Variants in ATG16L1 observed in about 807,000 individuals in gnomAD.
The protein encoded by ATG16L1 is autophagy-related protein 16-1.
In ATG16L1, 37 loss-of-function variants were observed where a neutral mutation model predicts 88.5. The observed-to-expected ratio is 0.42, with a 90% CI of 0.32 to 0.55. The LOEUF (loss-of-function observed/expected upper bound fraction) is 0.55. Ranked by LOEUF, ATG16L1 falls within the 20% of genes least tolerant of loss-of-function variation. The pLI is 0.13. For synonymous variants in ATG16L1, 301 were observed against 281.0 expected (o/e 1.07, Z -0.71); for missense variants, 554 against 752.8 (o/e 0.74, Z 3.09).
chr2:233,290,070 T>C, intron 13 of ATG16L1, 96 bp downstream of exon 13: 1 of 1,574,932 alleles, frequency 6.3e-7, no homozygotes, highest in African/African-American at 1.3e-5. Context: ...GTAATATAGT[T>C]TGAATTTCAG....
In ATG16L1 at chr2:233,263,171, A is replaced by G. The variant is rs149410702; in HGVS notation, c.251A>G (p.Glu84Gly). The G allele has an allele frequency of 6.2e-7, 1 of 1,614,158 alleles. No individual in the cohort carries two copies. The highest frequency in any genetic ancestry group is 1.3e-5 in the African/African-American group (1 of 75,036). Reference sequence around the variant, plus strand: ...ACATGGAATGACAATCAGCTACAAGAAATGGCCCAACTGAGGATTAAGCAC... The same window carrying G: ...ACATGGAATGACAATCAGCTACAAGGAATGGCCCAACTGAGGATTAAGCAC... ...DGTWNDNQLQ[E>G]MAQLRIKHQE... Residue 84 changes from glutamate to glycine, a missense_variant, in exon 3 of 18, where the codon GAA becomes GGA. Physicochemically the swap from Glu to Gly is moderately conservative, Grantham distance 98 (BLOSUM62 -2). Around this residue, in one of 5 missense-constraint regions of ATG16L1, gnomAD observed 101 missense variants for 107.0 expected, o/e 0.94. Coordinates refer to ENST00000392017, the MANE Select transcript of ATG16L1 (RefSeq NM_030803.7).
intron 9 of ATG16L1, 87 bp from the exon 10 acceptor site, chr2:233,277,481 C>T: frequency 8.1e-7 from 1 of 1,227,612 alleles, no homozygotes; most frequent in South Asian, 1.2e-5. Context: ...GAGTGTTTCC[C>T]CATGAATTAG....
chr2:233,282,997 A>G (rs1698818722), intron 12 of ATG16L1: 1 of 449,262 alleles, frequency 2.2e-6, no homozygotes, highest in Non-Finnish European at 4.1e-6. Flanking sequence ...AATACTCTTC[A>G]TAAGGACTAA....
At chr2:233,259,221 G>A (rs1221437396) in intron 2 of ATG16L1, among the ~76,000 whole-genome samples, 1 of 152,182 alleles carries the variant, frequency 6.6e-6, no homozygotes, top group Non-Finnish European at 1.5e-5. Context: ...GAGGTGATTG[G>A]TGGGTAGGAA....
intron 13 of ATG16L1, 23 bp from the exon 14 acceptor site, chr2:233,290,225 A>G (rs555389627): frequency 6.2e-7 from 1 of 1,610,610 alleles, no homozygotes; most frequent in African/African-American, 1.3e-5. Flanking sequence ...CTGCTTGATT[A>G]ATGATGTTTG....
chr2:233,269,999 C>G lies in ATG16L1; in HGVS notation c.642-3C>G. ...TGGGCTTTTTTTTTTTTTTTCCCAA[C>G]AGGAGGCGGCAAGCCCGGCTGCAGA... On this transcript the variant is annotated splice_region_variant and splice_polypyrimidine_tract_variant and intron_variant, in intron 5 of 17. Coordinates refer to ENST00000392017, the MANE Select transcript of ATG16L1 (RefSeq NM_030803.7). The G allele has an allele frequency of 6.4e-7, 1 of 1,550,462 alleles. No individual in the cohort carries two copies. The highest frequency in any genetic ancestry group is 8.7e-7 in the Non-Finnish European group (1 of 1,154,530).
chr2:233,263,299 G>T, intron 3 of ATG16L1, 64 bp downstream of exon 3: 1 of 1,454,754 alleles, frequency 6.9e-7, no homozygotes, highest in Non-Finnish European at 9.5e-7. Flanking sequence ...GGGAGCGGGG[G>T]AGCTCAGTCA....
At chr2:233,273,178 C>G (rs1463953889) in intron 7 of ATG16L1, 126 bp downstream of exon 7, 10 of 714,250 alleles carry the variant, frequency 1.4e-5, no homozygotes, top group Middle Eastern at 3.8e-4. Context: ...GGACACCCAG[C>G]GTCGAACACA....
At chr2:233,270,213 G>T (rs1574864248) in intron 6 of ATG16L1, 146 bp downstream of exon 6, 1 of 514,292 alleles carries the variant, frequency 1.9e-6, no homozygotes, top group Non-Finnish European at 3.3e-6. Context: ...TGTGATCATA[G>T]CTTCTAATGT....
At chr2:233,254,903 G>A (rs1696665615) in intron 1 of ATG16L1, among the ~76,000 whole-genome samples, 1 of 152,060 alleles carries the variant, frequency 6.6e-6, no homozygotes, top group Admixed American at 6.5e-5. Flanking sequence ...TGCAGAACAG[G>A]TACCCACATC....
intron 2 of ATG16L1, among the ~76,000 whole-genome samples, chr2:233,258,887 T>G (rs1696999416): frequency 6.6e-6 from 1 of 152,100 alleles, no homozygotes; most frequent in Non-Finnish European, 1.5e-5. Flanking sequence ...TTTGTAGAGA[T>G]AGGGGTCTCA....
intron 5 of ATG16L1, among the ~76,000 whole-genome samples, chr2:233,268,312 A>T (rs1697746980): frequency 6.6e-6 from 1 of 152,210 alleles, no homozygotes; most frequent in Non-Finnish European, 1.5e-5. Context: ...CACAAAAATT[A>T]GCTGGATGTA....
intron 2 of ATG16L1, among the ~76,000 whole-genome samples, chr2:233,259,629 C>G (rs185281427): frequency 1.1e-4 from 17 of 152,280 alleles, no homozygotes; most frequent in Non-Finnish European, 1.5e-4. Flanking sequence ...TCAGGTTACC[C>G]CTTGTTCAGT....
In ATG16L1 at chr2:233,251,713, G is replaced by A; in HGVS notation, c.-115G>A. The stretch of plus-strand genomic sequence containing the variant: ...GCCTCGGGGACTGCCAGTGTGTGGA[G>A]GTGAGCTCCGGGATTGCCGGCATTC... On this transcript the variant is annotated 5_prime_UTR_variant, in exon 1 of 18. Transcript: ENST00000392017. The A allele has an allele frequency of 2.2e-6, 2 of 911,852 alleles. No homozygotes were observed. Among genetic ancestry groups the A allele is most frequent in the Non-Finnish European group, 3.4e-6 (2 of 580,726 alleles). The allele number at this position is 911,852 out of a possible 1,614,324, so 56.5% of individuals were successfully genotyped here.
chr2:233,266,981 G>A (rs1425322326), intron 5 of ATG16L1, among the ~76,000 whole-genome samples: 1 of 152,204 alleles, frequency 6.6e-6, no homozygotes, highest in East Asian at 1.9e-4. Context: ...GGGAAGAGTA[G>A]TGGGGAAGGA....
chr2:233,255,707 G>C (rs577416409), intron 1 of ATG16L1, among the ~76,000 whole-genome samples: 5 of 152,160 alleles, frequency 3.3e-5, no homozygotes, highest in African/African-American at 1.2e-4. Flanking sequence ...TGTATTCTCT[G>C]TACCTTTTTA....
intron 12 of ATG16L1, among the ~76,000 whole-genome samples, chr2:233,287,009 C>G (rs1302057496): frequency 6.6e-6 from 1 of 152,090 alleles, no homozygotes; most frequent in Non-Finnish European, 1.5e-5. Flanking sequence ...TCCATTAGTT[C>G]AGCAGTTTCA....
At chr2:233,263,287 T>C in intron 3 of ATG16L1, 52 bp downstream of exon 3, 1 of 1,538,972 alleles carries the variant, frequency 6.5e-7, no homozygotes, top group Non-Finnish European at 8.9e-7. Context: ...GAGAGTCCTG[T>C]GGGGAGCGGG....
Position 233,290,840 on chromosome 2 carries a change from A to AG in ATG16L1, c.1430+492dup, listed in dbSNP as rs754575933. Among the ~76,000 whole-genome samples, 87 of 152,302 alleles carry AG rather than the reference A, an allele frequency of 5.7e-4. 1 individual carries two copies. Among genetic ancestry groups the AG allele is most frequent in the Non-Finnish European group, 2.9e-4 (20 of 68,014 alleles). On this transcript the variant is annotated intron_variant, in intron 14 of 17. Coordinates refer to ENST00000392017, the MANE Select transcript of ATG16L1 (RefSeq NM_030803.7). Reference sequence around the variant, plus strand: ...GCAGGAAACAGGGCAGAAGCCAGTGAGGGGGCTATGAGGGGTTGAAATCAG... The same window carrying AG: ...GCAGGAAACAGGGCAGAAGCCAGTGAGGGGGGCTATGAGGGGTTGAAATCAG...
Sources: allele counts gnomAD v4.1 joint callset (sites outside exome capture counted in the v4.1 genomes callset), GRCh38; gene constraint gnomAD v4.1.1; regional missense constraint gnomAD v4.1.1; transcripts MANE v1.5; gene names NCBI Gene and HGNC (gene_info 2026-07-23, HGNC 2026-07-21).